The following NEB variants were observed in gnomAD, a reference collection of about 807,000 sequenced individuals.
NEB encodes nebulin.
In NEB, 512 loss-of-function variants were observed where a neutral mutation model predicts 952.2. The observed-to-expected ratio is 0.54, with a 90% CI of 0.50 to 0.58. The LOEUF is 0.58. NEB is among the 20% of genes least tolerant of loss of function. The pLI is 0.00. For missense variants in NEB, 8,428 were observed against 9,231.1 expected, an observed-to-expected ratio of 0.91 and a Z score of 3.56; for synonymous variants, 2,900 against 3,149.8, an observed-to-expected ratio of 0.92 and a Z score of 2.66.
In NEB at chr2:151,669,016, C is replaced by A. The variant is rs1333475561; in HGVS notation, c.4611+11G>T. 2 of 1,560,802 alleles carry A rather than the reference C, an allele frequency of 1.3e-6. No homozygotes were observed. The highest frequency in any genetic ancestry group is 2.7e-5 in the African/African-American group (2 of 73,988). On this transcript the variant is annotated intron_variant, in intron 39 of 181. Coordinates refer to ENST00000397345, the MANE Select transcript of NEB (RefSeq NM_001164508.2). ...CGCATACGCAATATTAGCACTGGGCCAAATACTCACATCACTCATGTTGAG... is the reference window on the plus strand; with the variant it reads ...CGCATACGCAATATTAGCACTGGGCAAAATACTCACATCACTCATGTTGAG...
At chr2:151,705,079 T>A (rs1313994911) in intron 13 of NEB, among the ~76,000 whole-genome samples, 2 of 152,124 alleles carry the variant, frequency 1.3e-5, no homozygotes, top group African/African-American at 2.4e-5. Flanking sequence ...CAAACCTTCA[T>A]GAAAAAGTTA....
At chr2:151,558,421 G>A (rs1033357515) in intron 124 of NEB, among the ~76,000 whole-genome samples, 2 of 152,108 alleles carry the variant, frequency 1.3e-5, no homozygotes, top group African/African-American at 2.4e-5. Flanking sequence ...ACTCAATATC[G>A]TGAAAATAGC....
Position 151,494,191 on chromosome 2 carries a change from T to A in NEB, c.24549A>T (p.Arg8183Ser). The change falls in exon 174 of 182, where the codon AGA (arginine) becomes AGT (serine). Residue 8183 changes from arginine to serine, a missense_variant. By Grantham distance (110) the Arg-to-Ser change is moderately radical. This residue lies in a region of NEB where 3,374 missense variants were observed against 3,651.5 expected (regional missense o/e 0.92). Transcript: ENST00000397345. The stretch of plus-strand genomic sequence containing the variant: ...TAATGTTTTCTTGATTGCGTTTGAC[T>A]CTCTGCATCTCAGGAGTGACAGGGG... ...TATPVTPEMQRVKRNQENISS... is the reference protein window; with the variant it reads ...TATPVTPEMQSVKRNQENISS... 1 of 1,608,232 alleles carries A rather than the reference T, an allele frequency of 6.2e-7. No homozygotes were observed. Among genetic ancestry groups the A allele is most frequent in the African/African-American group, 1.3e-5 (1 of 74,998 alleles).
chr2:151,553,252 G>T (rs2095441725), intron 127 of NEB, 146 bp downstream of exon 127: 3 of 668,558 alleles, frequency 4.5e-6, no homozygotes, highest in Non-Finnish European at 8.0e-6. Flanking sequence ...CCTGAGAGAT[G>T]GTTGCTCTGC....
At chr2:151,511,463 A>G (rs2074268116) in intron 161 of NEB, among the ~76,000 whole-genome samples, 1 of 152,222 alleles carries the variant, frequency 6.6e-6, no homozygotes, top group Non-Finnish European at 1.5e-5. Context: ...ATCATCTGTG[A>G]AAATTAAAAA....
At chr2:151,540,959 C>T (rs1021107915) in intron 136 of NEB, among the ~76,000 whole-genome samples, 158 bp from the exon 137 acceptor site, 1 of 151,888 alleles carries the variant, frequency 6.6e-6, no homozygotes, top group Admixed American at 6.6e-5. Flanking sequence ...CGTTTCTGTT[C>T]ATTTGTTTCT....
intron 77 of NEB, among the ~76,000 whole-genome samples, chr2:151,613,260 C>A (rs1436728110): frequency 2.0e-5 from 3 of 152,136 alleles, no homozygotes; most frequent in Non-Finnish European, 2.9e-5. Flanking sequence ...CAATTGTTTT[C>A]AAGTTTCTTA....
intron 175 of NEB, 21 bp downstream of exon 175, chr2:151,493,754 T>G (rs778071855): frequency 1.0e-5 from 15 of 1,493,190 alleles, no homozygotes; most frequent in Non-Finnish European, 1.4e-5. Context: ...TTTAAGGATT[T>G]ATTTTTCCTT....
At position 151,498,293 on chromosome 2, in the gene NEB, C is replaced by G. The variant is rs1236143165; in HGVS notation, c.24174G>C (p.Gln8058His). 6.4e-7 allele frequency: 1 copy of G among 1,551,546 alleles called. No individual in the cohort carries two copies. Among genetic ancestry groups the G allele is most frequent in the South Asian group, 1.2e-5 (1 of 84,056 alleles). The change falls in exon 170 of 182, where the codon CAG (glutamine) becomes CAC (histidine). Residue 8058 changes from glutamine (Q) to histidine (H), a missense_variant. Coordinates refer to ENST00000397345, the MANE Select transcript of NEB (RefSeq NM_001164508.2). ...GIPIPITPEMQRVKHNQENLS... is the reference protein window; with the variant it reads ...GIPIPITPEMHRVKHNQENLS... The stretch of plus-strand genomic sequence containing the variant: ...GGTTTTCTTGATTGTGTTTGACTCT[C>G]TGCATCTCAGGAGTGATGGGGATTG...
At chr2:151,727,066 A>C (rs1340632198) in intron 5 of NEB, among the ~76,000 whole-genome samples, 1 of 151,976 alleles carries the variant, frequency 6.6e-6, no homozygotes, top group East Asian at 1.9e-4. Flanking sequence ...AAAAAAAAAA[A>C]AAAACCTTTC....
At chr2:151,720,375 T>C (rs571024419) in intron 9 of NEB, among the ~76,000 whole-genome samples, 1 of 152,314 alleles carries the variant, frequency 6.6e-6, no homozygotes, top group South Asian at 2.1e-4. Context: ...GCCCAATAAT[T>C]GTAGAAGTTC....
chr2:151,526,952 A>G lies in NEB; in HGVS notation c.21911T>C (p.Val7304Ala). 1 of 1,603,004 alleles carries G rather than the reference A, an allele frequency of 6.2e-7. No individual in the cohort carries two copies. Among genetic ancestry groups the G allele is most frequent in the Admixed American group, 1.7e-5 (1 of 58,904 alleles). ...KLSVTDDKNTVLALRNTLIES... is the reference protein window; with the variant it reads ...KLSVTDDKNTALALRNTLIES... ...TATTAAAGTATTCCTGAGGGCGAGC[A>G]CCGTGTTTTTGTCATCAGTGACAGA... Residue 7304 changes from valine (V) to alanine (A), a missense_variant, in exon 148 of 182, where the codon GTG (valine) becomes GCG (alanine). Around this residue, in one of 11 missense-constraint regions of NEB, gnomAD observed 3,374 missense variants for 3,651.5 expected, o/e 0.92. Transcript: ENST00000397345.
intron 68 of NEB, among the ~76,000 whole-genome samples, chr2:151,629,315 A>C (rs1366505387): frequency 6.6e-6 from 1 of 152,224 alleles, no homozygotes; most frequent in African/African-American, 2.4e-5. Context: ...ACTGCATTGA[A>C]GTATACTGGT....
chr2:151,638,732 A>G (rs1210709762), intron 63 of NEB, among the ~76,000 whole-genome samples: 2 of 152,114 alleles, frequency 1.3e-5, no homozygotes, highest in East Asian at 1.9e-4. Context: ...GAATGATGGC[A>G]CGTGGCCCTG....
At position 151,643,830 on chromosome 2, in the gene NEB, G is replaced by T. The variant is rs756875036; in HGVS notation, c.7944C>A (p.Asp2648Glu). Reference sequence around the variant, plus strand: ...ATCTTAGACTCACATCGCTCTGGAGGTCATAGGCCTGCCGAGCATGGATGA... The same window carrying T: ...ATCTTAGACTCACATCGCTCTGGAGTTCATAGGCCTGCCGAGCATGGATGA... ...SDVIHARQAYDLQSDNLYKSD... is the reference protein window; with the variant it reads ...SDVIHARQAYELQSDNLYKSD... Residue 2648 changes from aspartate (D) to glutamate (E), a missense_variant, in exon 57 of 182, where the codon GAC becomes GAA. Coordinates refer to ENST00000397345, the MANE Select transcript of NEB (RefSeq NM_001164508.2). The T allele has an allele frequency of 6.2e-7, 1 of 1,613,512 alleles. No homozygotes were observed. Among genetic ancestry groups the T allele is most frequent in the Admixed American group, 1.7e-5 (1 of 60,028 alleles).
At chr2:151,651,706 TGAG>T (rs2099031513) in intron 52 of NEB, among the ~76,000 whole-genome samples, 1 of 152,214 alleles carries the variant, frequency 6.6e-6, no homozygotes. Flanking sequence ...GTGATAATAA[TGAG>T]TATACTAACA....
chr2:151,638,211 G>C (rs2098798643), intron 63 of NEB, among the ~76,000 whole-genome samples: 1 of 152,234 alleles, frequency 6.6e-6, no homozygotes, highest in Non-Finnish European at 1.5e-5. Flanking sequence ...CTCAAGTTCT[G>C]TGTGCACCAG....
Position 151,694,680 on chromosome 2 carries a change from C to T in NEB, c.1675-51G>A, listed in dbSNP as rs116047847. The T allele has an allele frequency of 5.7e-3, 8,208 of 1,444,794 alleles. 189 individuals carry two copies. The highest frequency in any genetic ancestry group is 0.055 in the East Asian group (2,217 of 40,476). 89.5% of individuals were successfully genotyped at this position (1,444,794 alleles called of 1,614,324 possible). ...ATTGGCAAAAGTGATATGCATGTCACGACCTTTAAAGACTAGTGGGTAACT... is the reference window on the plus strand; with the variant it reads ...ATTGGCAAAAGTGATATGCATGTCATGACCTTTAAAGACTAGTGGGTAACT... On this transcript the variant is annotated intron_variant, in intron 18 of 181. Coordinates refer to ENST00000397345, the MANE Select transcript of NEB (RefSeq NM_001164508.2).
chr2:151,549,090 G>A (rs2095064215), intron 130 of NEB, among the ~76,000 whole-genome samples: 1 of 152,186 alleles, frequency 6.6e-6, no homozygotes, highest in Non-Finnish European at 1.5e-5. Flanking sequence ...GTCATCATTT[G>A]AGTAAGCTAC....
Sources: gnomAD v4.1 joint callset for allele counts (sites outside exome capture counted in the v4.1 genomes callset) on GRCh38, gnomAD v4.1.1 for gene constraint, gnomAD v4.1.1 regional missense constraint, MANE v1.5 for transcripts, NCBI Gene and HGNC (gene_info 2026-07-23, HGNC 2026-07-21) for gene names.